Variants in SPATA13 observed in about 807,000 individuals in gnomAD.
SPATA13 encodes the protein spermatogenesis associated 13.
SPATA13 carries 50 observed loss-of-function variants against 104.0 expected under a neutral mutation model. The ratio of observed to expected loss-of-function variants is 0.48; its 90% CI spans 0.38 to 0.61. The LOEUF is 0.61. SPATA13 is among the 20% of genes least tolerant of loss of function. The pLI is 0.00. For synonymous variants in SPATA13, 606 were observed against 667.5 expected, an observed-to-expected ratio of 0.91 and a Z score of 1.42; for missense variants, 1,524 against 1,690.6, an observed-to-expected ratio of 0.90 and a Z score of 1.73.
chr13:24,151,989 T>C (rs1055684208), intron 3 of SPATA13, among the ~76,000 whole-genome samples: 2 of 152,196 alleles, frequency 1.3e-5, no homozygotes, highest in East Asian at 1.9e-4. Flanking sequence ...TCTCAGGGAA[T>C]GCCTGGTTTT....
intron 3 of SPATA13, among the ~76,000 whole-genome samples, chr13:24,061,932 C>G (rs1163783506): frequency 6.6e-6 from 1 of 151,348 alleles, no homozygotes; most frequent in Non-Finnish European, 1.5e-5. Context: ...AAGTTAAGTA[C>G]CTCACCCAAA....
At chr13:24,221,819 T>TC (rs1422650158) in intron 1 of SPATA13, among the ~76,000 whole-genome samples, 14 of 150,542 alleles carry the variant, frequency 9.3e-5, no homozygotes, top group Non-Finnish European at 2.1e-4. Context: ...TTTTTTTTTT[T>TC]TTTTTTTGAG....
intron 1 of SPATA13, among the ~76,000 whole-genome samples, chr13:24,221,836 TCTCA>T (rs1288918425): frequency 2.2e-5 from 3 of 139,000 alleles, no homozygotes; most frequent in African/African-American, 8.1e-5. Context: ...TGAGACGGAG[TCTCA>T]CTCACTCTGT....
chr13:24,290,259 C>T (rs187223915), intron 8 of SPATA13, among the ~76,000 whole-genome samples: 38 of 152,228 alleles, frequency 2.5e-4, no homozygotes, highest in African/African-American at 7.5e-4. Flanking sequence ...AGTTGTAAAC[C>T]ACAAAGAATA....
At chr13:24,257,677 G>C (rs919126518) in intron 4 of SPATA13, among the ~76,000 whole-genome samples, 3 of 151,230 alleles carry the variant, frequency 2.0e-5, no homozygotes, top group Admixed American at 6.6e-5. Context: ...AATTGACCCA[G>C]TCTAGCACTC....
At chr13:24,164,890 G>T (rs1882657129) in intron 1 of SPATA13, among the ~76,000 whole-genome samples, 1 of 152,198 alleles carries the variant, frequency 6.6e-6, no homozygotes, top group South Asian at 2.1e-4. Flanking sequence ...GGGCTCAGAG[G>T]AGTTCCCAGT....
intron 1 of SPATA13, among the ~76,000 whole-genome samples, chr13:24,184,852 G>C (rs1287382721): frequency 4.6e-5 from 7 of 152,132 alleles, no homozygotes; most frequent in Non-Finnish European, 1.0e-4. Flanking sequence ...TTTGATGAAA[G>C]GCAGTGTAAA....
chr13:24,066,386 G>A (rs1680654356), intron 3 of SPATA13, among the ~76,000 whole-genome samples: 1 of 152,186 alleles, frequency 6.6e-6, no homozygotes, highest in African/African-American at 2.4e-5. Flanking sequence ...GAGACTCAGA[G>A]TTTAAAGGAT....
intron 1 of SPATA13, among the ~76,000 whole-genome samples, chr13:24,189,964 TAAA>T (rs1325246379): frequency 1.1e-5 from 1 of 92,556 alleles, no homozygotes; most frequent in African/African-American, 4.3e-5. Context: ...TATATAATTA[TAAA>T]ATATATATTA....
At chr13:24,199,840 G>A (rs1445429682) in intron 1 of SPATA13, among the ~76,000 whole-genome samples, 1 of 152,242 alleles carries the variant, frequency 6.6e-6, no homozygotes, top group African/African-American at 2.4e-5. Flanking sequence ...TAAGCCATAT[G>A]TAAGTAATTG....
At position 24,289,121 on chromosome 13, in the gene SPATA13, A is replaced by G. The variant is rs1876159001; in HGVS notation, c.2790A>G (p.Lys930=). 4 of 1,613,620 alleles carry G rather than the reference A, an allele frequency of 2.5e-6. No homozygotes were observed. Among genetic ancestry groups the G allele is most frequent in the East Asian group, 2.2e-5 (1 of 44,870 alleles). The change falls in exon 8 of 13, where the codon AAA becomes AAG. Residue 930 remains lysine, a synonymous_variant. Coordinates refer to ENST00000382108, the MANE Select transcript of SPATA13 (RefSeq NM_001166271.3). ...FQRKFLKDLE[K]QYNKEEPHLS... is the part of the protein sequence containing the mutation. ...GAAAGTTTCTGAAAGACCTTGAGAAACAGTACAACAAAGAGGAACCTCACT... is the reference window on the plus strand; with the variant it reads ...GAAAGTTTCTGAAAGACCTTGAGAAGCAGTACAACAAAGAGGAACCTCACT...
At chr13:24,191,673 C>T (rs779894421) in intron 1 of SPATA13, among the ~76,000 whole-genome samples, 24 of 151,824 alleles carry the variant, frequency 1.6e-4, no homozygotes, top group Non-Finnish European at 2.5e-4. Context: ...CCACACCCTG[C>T]TAATTTTTTT....
intron 1 of SPATA13, among the ~76,000 whole-genome samples, chr13:24,191,975 G>T (rs1469621124): frequency 6.6e-6 from 1 of 152,102 alleles, no homozygotes; most frequent in Non-Finnish European, 1.5e-5. Context: ...GATTATTACA[G>T]GGCGAAAAGG....
chr13:24,145,016 A>G (rs969744183), intron 3 of SPATA13, among the ~76,000 whole-genome samples: 5 of 152,204 alleles, frequency 3.3e-5, no homozygotes, highest in African/African-American at 1.2e-4. Flanking sequence ...GGTGGGAGGC[A>G]GGTAGAGGAA....
At chr13:24,159,001 T>C (rs1407895314), upstream of SPATA13, among the ~76,000 whole-genome samples, 2 of 152,248 alleles carry the variant, frequency 1.3e-5, no homozygotes, top group African/African-American at 4.8e-5. Context: ...TAAATGTTAA[T>C]AGTGGTTTCC....
intron 1 of SPATA13, among the ~76,000 whole-genome samples, chr13:23,983,576 C>G (rs1369756695): frequency 2.0e-5 from 3 of 151,742 alleles, no homozygotes; most frequent in Non-Finnish European, 4.4e-5. Flanking sequence ...TTAGTATTTT[C>G]TCTTAGCACA....
chr13:24,285,936 C>G (rs1385296600), intron 5 of SPATA13, among the ~76,000 whole-genome samples: 5 of 152,170 alleles, frequency 3.3e-5, no homozygotes, highest in Admixed American at 3.3e-4. Flanking sequence ...CCGCCTTGGC[C>G]TCCCAAAGTG....
intron 4 of SPATA13, among the ~76,000 whole-genome samples, chr13:24,256,970 C>CCTTTG (rs773190649): frequency 3.9e-5 from 6 of 152,190 alleles, no homozygotes; most frequent in Non-Finnish European, 8.8e-5. Context: ...ATCTTTGCCG[C>CCTTTG]CTTTGCTTTG....
intron 1 of SPATA13, among the ~76,000 whole-genome samples, chr13:24,176,587 C>T (rs9553208): frequency 0.17 from 25,390 of 151,862 alleles, 2,256 homozygotes; most frequent in East Asian, 0.37. Flanking sequence ...AGATTAAGCA[C>T]GCTGGGTCCT....
Sources: allele counts gnomAD v4.1 joint callset (sites outside exome capture counted in the v4.1 genomes callset), GRCh38; gene constraint gnomAD v4.1.1; transcripts MANE v1.5; gene names NCBI Gene and HGNC (gene_info 2026-07-23, HGNC 2026-07-21).